ARHGAP26: variants seen among roughly 807,000 people sequenced by gnomAD.
ARHGAP26 encodes the protein rho GTPase-activating protein 26.
ARHGAP26 carries 38 observed loss-of-function variants against 104.8 expected under a neutral mutation model. The ratio of observed to expected loss-of-function variants is 0.36; its 90% CI spans 0.28 to 0.48. The LOEUF (loss-of-function observed/expected upper bound fraction) is 0.48. ARHGAP26 is among the 20% of genes least tolerant of loss of function. The pLI is 0.99. For synonymous variants in ARHGAP26, 341 were observed against 340.0 expected (o/e 1.00, Z -0.03); for missense variants, 704 against 947.9 (o/e 0.74, Z 3.38).
At chr5:143,060,911 TATTAGA>T (rs1272916386) in intron 17 of ARHGAP26, among the ~76,000 whole-genome samples, 3 of 152,104 alleles carry the variant, frequency 2.0e-5, no homozygotes, top group African/African-American at 7.2e-5. Flanking sequence ...TGTAGGCGAA[TATTAGA>T]ATTAGAAAGA....
chr5:143,136,579 C>A (rs956395650), intron 19 of ARHGAP26, among the ~76,000 whole-genome samples: 1 of 151,662 alleles, frequency 6.6e-6, no homozygotes, highest in Non-Finnish European at 1.5e-5. Context: ...TTTTTTTCTG[C>A]GAAGCTAGCA....
intron 1 of ARHGAP26, among the ~76,000 whole-genome samples, chr5:142,839,003 G>A (rs916273261): frequency 1.3e-5 from 2 of 152,218 alleles, no homozygotes; most frequent in African/African-American, 4.8e-5. Flanking sequence ...CACCTGGGAA[G>A]TAGTAGTGTT....
At chr5:143,190,484 A>T (rs987798902) in intron 20 of ARHGAP26, among the ~76,000 whole-genome samples, 1 of 152,124 alleles carries the variant, frequency 6.6e-6, no homozygotes, top group Non-Finnish European at 1.5e-5. Flanking sequence ...GTGCTTAAGG[A>T]AAAAACAAAG....
intron 1 of ARHGAP26, 114 bp from the exon 2 acceptor site, chr5:142,873,286 C>A (rs1755600551): frequency 2.9e-6 from 2 of 692,704 alleles, no homozygotes; most frequent in Non-Finnish European, 4.8e-6. Context: ...TTGAAATGGA[C>A]TCAGGAACAA....
intron 1 of ARHGAP26, among the ~76,000 whole-genome samples, chr5:142,839,346 G>T (rs1187250544): frequency 6.6e-6 from 1 of 151,742 alleles, no homozygotes; most frequent in Admixed American, 6.6e-5. Context: ...CCATTTAATT[G>T]TTATAACAAT....
chr5:142,817,509 G>T (rs1765366153), intron 1 of ARHGAP26, among the ~76,000 whole-genome samples: 1 of 152,200 alleles, frequency 6.6e-6, no homozygotes, highest in South Asian at 2.1e-4. Flanking sequence ...TCTTCCTGCT[G>T]TAGAGGTGAA....
At chr5:142,948,537 A>G (rs961786803) in intron 11 of ARHGAP26, among the ~76,000 whole-genome samples, 2 of 151,978 alleles carry the variant, frequency 1.3e-5, no homozygotes, top group African/African-American at 4.8e-5. Flanking sequence ...TGTAAAAGCA[A>G]GTGTGACCAC....
At chr5:143,066,220 G>A (rs1439656628) in intron 17 of ARHGAP26, among the ~76,000 whole-genome samples, 2 of 152,218 alleles carry the variant, frequency 1.3e-5, no homozygotes, top group East Asian at 1.9e-4. Flanking sequence ...GTTTGTAGCC[G>A]AGGAGCAATA....
chr5:143,087,102 G>A (rs1391247348), intron 17 of ARHGAP26, among the ~76,000 whole-genome samples: 1 of 152,194 alleles, frequency 6.6e-6, no homozygotes, highest in Admixed American at 6.5e-5. Flanking sequence ...AATATACTAT[G>A]CCTTAAGATT....
intron 1 of ARHGAP26, among the ~76,000 whole-genome samples, chr5:142,821,824 G>C (rs1458723926): frequency 6.6e-6 from 1 of 152,140 alleles, no homozygotes; most frequent in Non-Finnish European, 1.5e-5. Flanking sequence ...GGGTGCCTCT[G>C]GTAAGTGTAA....
intron 18 of ARHGAP26, among the ~76,000 whole-genome samples, chr5:143,123,934 T>G (rs1796422677): frequency 6.6e-6 from 1 of 152,108 alleles, no homozygotes; most frequent in Non-Finnish European, 1.5e-5. Flanking sequence ...AACCATTTCC[T>G]TAGACTTGGC....
chr5:143,073,218 G>T (rs2150388679), intron 17 of ARHGAP26, among the ~76,000 whole-genome samples: 1 of 152,228 alleles, frequency 6.6e-6, no homozygotes, highest in African/African-American at 2.4e-5. Flanking sequence ...CCAGAATAGT[G>T]CCTCATTTTT....
chr5:143,175,456 A>T (rs1803345399), intron 20 of ARHGAP26, among the ~76,000 whole-genome samples: 1 of 152,180 alleles, frequency 6.6e-6, no homozygotes, highest in African/African-American at 2.4e-5. Context: ...TTTTGTAAGT[A>T]TGTAAGATAT....
In ARHGAP26 at chr5:143,225,480, C is replaced by T. The variant is rs1373444620; in HGVS notation, c.*3034C>T. The T allele has an allele frequency of 5.0e-5, 10 of 200,928 alleles. No individual in the cohort carries two copies. Among genetic ancestry groups the T allele is most frequent in the Middle Eastern group, 1.6e-3 (1 of 620 alleles). 12.4% of individuals were successfully genotyped at this position (200,928 alleles called of 1,614,324 possible). On this transcript the variant is annotated 3_prime_UTR_variant, in exon 23 of 23. Transcript: ENST00000645722. ...CTGGGATTCCAGGTGTGAGCCGCTG[C>T]GGCCGACCACATTTGATGTTTGAAG...
At position 143,076,159 on chromosome 5, in the gene ARHGAP26, A is replaced by ATTT. The variant is rs368079758; in HGVS notation, c.1538+18431_1538+18433dup. 1.0e-3 allele frequency among the ~76,000 whole-genome samples: 113 copies of ATTT among 109,972 alleles called. 1 individual carries two copies. Among genetic ancestry groups the ATTT allele is most frequent in the African/African-American group, 3.3e-3 (92 of 28,270 alleles). The allele number at this position is 109,972 out of a possible 152,430, so 72.1% of individuals were successfully genotyped here. A position where few individuals can be genotyped will look rare whatever the true frequency, so the allele number is the denominator to read the frequency against. On this transcript the variant is annotated intron_variant, in intron 17 of 22. Transcript: ENST00000645722. ...AGGTGTGCGCCACCAGACCTGGCTAATTTTTTTTTTTTTTTTTTTTTGAAA... is the reference window on the plus strand; with the variant it reads ...AGGTGTGCGCCACCAGACCTGGCTAATTTTTTTTTTTTTTTTTTTTTTTTGAAA...
intron 1 of ARHGAP26, among the ~76,000 whole-genome samples, chr5:142,795,389 C>G (rs1218196706): frequency 1.3e-5 from 2 of 151,706 alleles, no homozygotes; most frequent in African/African-American, 2.4e-5. Context: ...AAGAAGAGGC[C>G]AAGCTCTAAT....
rs572712218 is a variant in ARHGAP26 at position 142,779,430 on chromosome 5, T to G, written c.154+8515T>G. On this transcript the variant is annotated intron_variant, in intron 1 of 22. Transcript: ENST00000645722. ...AGATTCCTGGGGTTAGGGTGGTGTG[T>G]GTGTGTGTGTGTGTGTTTTCTTTGC... Among the ~76,000 whole-genome samples the G allele has an allele frequency of 9.9e-5, 15 of 152,104 alleles. No individual in the cohort carries two copies. The East Asian group carries it at 2.9e-3, about 30-fold the overall frequency.
At chr5:143,212,058 A>C (rs797003457) in intron 21 of ARHGAP26, among the ~76,000 whole-genome samples, 10 of 152,216 alleles carry the variant, frequency 6.6e-5, no homozygotes, top group African/African-American at 2.2e-4. Flanking sequence ...TTAATAAATA[A>C]TGTTTGTGAA....
intron 17 of ARHGAP26, among the ~76,000 whole-genome samples, chr5:143,085,744 T>C (rs769222915): frequency 5.3e-5 from 8 of 152,144 alleles, no homozygotes; most frequent in African/African-American, 1.7e-4. Context: ...TTTGAGTGAG[T>C]GCCAAAAGTT....
Sources: gnomAD v4.1 joint callset for allele counts (sites outside exome capture counted in the v4.1 genomes callset) on GRCh38, gnomAD v4.1.1 for gene constraint, MANE v1.5 for transcripts, NCBI Gene and HGNC (gene_info 2026-07-23, HGNC 2026-07-21) for gene names.